RASAL2: variants seen among roughly 807,000 people sequenced by gnomAD.
RASAL2 encodes RAS protein activator like 2.
RASAL2 carries 58 observed loss-of-function variants against 128.9 expected under a neutral mutation model. The ratio of observed to expected loss-of-function variants is 0.45; its 90% CI spans 0.36 to 0.56. The LOEUF is 0.56. RASAL2 is among the 20% of genes least tolerant of loss of function. The probability of loss-of-function intolerance (pLI) is 0.00; values close to 1 mark genes in which losing one functional copy is unlikely to be tolerated. For synonymous variants in RASAL2, 561 were observed against 580.8 expected (o/e 0.97, Z 0.49); for missense variants, 1,360 against 1,601.6 (o/e 0.85, Z 2.57).
At chr1:178,308,539 CTTTT>C (rs576125039) in intron 3 of RASAL2, among the ~76,000 whole-genome samples, 3 of 129,976 alleles carry the variant, frequency 2.3e-5, no homozygotes, top group Non-Finnish European at 1.7e-5. Context: ...CAAACATTAG[CTTTT>C]TTTTTTTTTT....
chr1:178,162,997 G>A (rs552439705), intron 1 of RASAL2, among the ~76,000 whole-genome samples: 2 of 152,170 alleles, frequency 1.3e-5, no homozygotes, highest in East Asian at 3.9e-4. Context: ...CCAAGAAAGA[G>A]TCTTGCTCTG....
At chr1:178,279,422 C>G (rs1302444401) in intron 1 of RASAL2, among the ~76,000 whole-genome samples, 1 of 152,156 alleles carries the variant, frequency 6.6e-6, no homozygotes, top group Non-Finnish European at 1.5e-5. Context: ...CATCCCTAAA[C>G]CAGGCCATTA....
intron 1 of RASAL2, among the ~76,000 whole-genome samples, chr1:178,168,285 A>C (rs1203104983): frequency 1.3e-5 from 2 of 152,210 alleles, no homozygotes; most frequent in East Asian, 1.9e-4. Flanking sequence ...AAAAAAAAAA[A>C]AACTGTAGAC....
intron 3 of RASAL2, among the ~76,000 whole-genome samples, chr1:178,311,164 C>G (rs1668226157): frequency 6.6e-6 from 1 of 151,560 alleles, no homozygotes. Context: ...GAAACTCCAC[C>G]AAACCTACTA....
intron 1 of RASAL2, among the ~76,000 whole-genome samples, chr1:178,097,275 C>G (rs1461974133): frequency 6.6e-6 from 1 of 152,176 alleles, no homozygotes; most frequent in Non-Finnish European, 1.5e-5. Flanking sequence ...AAAGTGGAAT[C>G]TGGAGTAATT....
rs570224223 is a variant in RASAL2 at position 178,212,604 on chromosome 1, G to C, written c.203-70960G>C. On this transcript the variant is annotated intron_variant, in intron 1 of 17. Coordinates refer to ENST00000367649, the MANE Select transcript of RASAL2 (RefSeq NM_170692.4). ...CCTCCTGGGTTCAAGCCATTCTTCT[G>C]CCTCAGCCTCCCGAGTAGGTGGGAC... 1.4e-3 allele frequency among the ~76,000 whole-genome samples: 211 copies of C among 152,006 alleles called. 1 individual carries two copies. The highest frequency in any genetic ancestry group is 4.6e-3 in the Admixed American group (71 of 15,284).
At chr1:178,174,397 C>G (rs1413890635) in intron 1 of RASAL2, among the ~76,000 whole-genome samples, 3 of 151,952 alleles carry the variant, frequency 2.0e-5, no homozygotes, top group Non-Finnish European at 2.9e-5. Flanking sequence ...AATACGGTTT[C>G]CACTCTGTTA....
chr1:178,383,189 A>G (rs909492879), intron 3 of RASAL2, among the ~76,000 whole-genome samples: 1 of 152,152 alleles, frequency 6.6e-6, no homozygotes, highest in African/African-American at 2.4e-5. Flanking sequence ...TGTACTTAGC[A>G]CCAATTTGTA....
intron 9 of RASAL2, 117 bp downstream of exon 9, chr1:178,445,779 G>T: frequency 9.2e-7 from 1 of 1,083,328 alleles, no homozygotes; most frequent in Non-Finnish European, 1.3e-6. Flanking sequence ...AGCTGACTCA[G>T]GTGTTAAGGT....
intron 1 of RASAL2, among the ~76,000 whole-genome samples, chr1:178,194,908 G>C (rs1167906191): frequency 6.6e-6 from 1 of 152,158 alleles, no homozygotes; most frequent in African/African-American, 2.4e-5. Flanking sequence ...TTCAAATGAT[G>C]AAAAATAAAA....
At chr1:178,348,316 C>T (rs186073020) in intron 3 of RASAL2, among the ~76,000 whole-genome samples, 1 of 152,070 alleles carries the variant, frequency 6.6e-6, no homozygotes, top group Non-Finnish European at 1.5e-5. Context: ...GAGACAAGGT[C>T]TTTCTCTGTC....
intron 4 of RASAL2, among the ~76,000 whole-genome samples, chr1:178,393,641 A>G (rs954278537): frequency 5.3e-5 from 8 of 152,172 alleles, no homozygotes; most frequent in Non-Finnish European, 8.8e-5. Flanking sequence ...CCTGATCTAT[A>G]GGAGAGTTTC....
At chr1:178,211,063 CT>C (rs1409373185) in intron 1 of RASAL2, among the ~76,000 whole-genome samples, 2 of 152,198 alleles carry the variant, frequency 1.3e-5, no homozygotes, top group Non-Finnish European at 2.9e-5. Context: ...TGGTCTCTGA[CT>C]TTTATCCCTT....
chr1:178,281,587 T>C (rs2102208738), intron 1 of RASAL2, among the ~76,000 whole-genome samples: 1 of 152,332 alleles, frequency 6.6e-6, no homozygotes, highest in South Asian at 2.1e-4. Flanking sequence ...GTTTTCTTGC[T>C]AAAGTTAATT....
chr1:178,350,635 T>G (rs1670416975), intron 3 of RASAL2, among the ~76,000 whole-genome samples: 1 of 152,142 alleles, frequency 6.6e-6, no homozygotes, highest in African/African-American at 2.4e-5. Context: ...TATCTGGAGC[T>G]CAGAGTCCTC....
chr1:178,421,840 A>G (rs1423820053), intron 5 of RASAL2, among the ~76,000 whole-genome samples: 4 of 151,968 alleles, frequency 2.6e-5, no homozygotes, highest in African/African-American at 9.7e-5. Context: ...AAGTCAGCCC[A>G]ATTTGCATTA....
At chr1:178,363,648 AT>A (rs1397628562) in intron 3 of RASAL2, among the ~76,000 whole-genome samples, 1 of 152,232 alleles carries the variant, frequency 6.6e-6, no homozygotes, top group Non-Finnish European at 1.5e-5. Context: ...CCCTGTTCAG[AT>A]ATGGAAAAAT....
At chr1:178,123,074 A>G (rs1659774326) in intron 1 of RASAL2, 1 of 152,184 alleles carries the variant, frequency 6.6e-6, no homozygotes, top group Non-Finnish European at 1.5e-5. Flanking sequence ...TCTAAAAATC[A>G]CCTGGAATGC....
chr1:178,312,455 A>G (rs971956037), intron 3 of RASAL2, among the ~76,000 whole-genome samples: 2 of 152,222 alleles, frequency 1.3e-5, no homozygotes, highest in African/African-American at 4.8e-5. Flanking sequence ...CTATTAGTCA[A>G]ATTTGAGAAT....
Sources: allele counts gnomAD v4.1 joint callset (sites outside exome capture counted in the v4.1 genomes callset), GRCh38; gene constraint gnomAD v4.1.1; transcripts MANE v1.5; gene names NCBI Gene and HGNC (gene_info 2026-07-23, HGNC 2026-07-21).